Variants in ERC2 observed in about 807,000 individuals in gnomAD.
ERC2 encodes ERC protein 2.
Under a neutral mutation model 114.8 loss-of-function variants are expected in ERC2, and 42 were observed. The observed-to-expected ratio is 0.37, with a 90% CI of 0.29 to 0.47. The LOEUF (loss-of-function observed/expected upper bound fraction) is 0.47, where lower values mean the gene tolerates loss of function less well. Among genes scored for constraint, ERC2 ranks in the 20% least tolerant of loss-of-function variants. ERC2 has a pLI of 0.99. For synonymous variants in ERC2, 454 were observed against 425.5 expected (o/e 1.07, Z -0.82); for missense variants, 939 against 1,150.7 (o/e 0.82, Z 2.66).
intron 17 of ERC2, chr3:55,659,138 CAA>C (rs1297594114): frequency 1.3e-5 from 2 of 152,250 alleles, no homozygotes; most frequent in Non-Finnish European, 2.9e-5. Context: ...TCAGCATATT[CAA>C]AACAACCAAA....
At chr3:56,178,500 G>A (rs1482313035) in intron 3 of ERC2, among the ~76,000 whole-genome samples, 2 of 152,160 alleles carry the variant, frequency 1.3e-5, no homozygotes, top group Non-Finnish European at 2.9e-5. Context: ...TTTTGAAGCA[G>A]TCACAAGCCT....
At chr3:56,238,329 G>C (rs1016228980) in intron 3 of ERC2, among the ~76,000 whole-genome samples, 3 of 152,198 alleles carry the variant, frequency 2.0e-5, no homozygotes, top group African/African-American at 7.2e-5. Flanking sequence ...TAACTCTGTT[G>C]TCTCCCTTCT....
At chr3:55,645,699 C>T (rs1262282726) in intron 17 of ERC2, among the ~76,000 whole-genome samples, 4 of 152,106 alleles carry the variant, frequency 2.6e-5, no homozygotes, top group African/African-American at 7.2e-5. Flanking sequence ...GGGGGCCCAC[C>T]GTTAAAACGG....
intron 12 of ERC2, among the ~76,000 whole-genome samples, chr3:55,961,306 T>A (rs1229223008): frequency 6.6e-6 from 1 of 152,134 alleles, no homozygotes; most frequent in Non-Finnish European, 1.5e-5. Context: ...ACTGTTTACC[T>A]CACCCCCACC....
chr3:56,159,578 C>T (rs2081941855), intron 4 of ERC2, among the ~76,000 whole-genome samples: 1 of 152,112 alleles, frequency 6.6e-6, no homozygotes, highest in Non-Finnish European at 1.5e-5. Context: ...CTGCAAGATG[C>T]TGAGGTTTGG....
At chr3:55,851,828 A>C (rs2061586673) in intron 14 of ERC2, among the ~76,000 whole-genome samples, 1 of 152,044 alleles carries the variant, frequency 6.6e-6, no homozygotes, top group African/African-American at 2.4e-5. Flanking sequence ...CAGCCTAATA[A>C]GGAGAAGATA....
At chr3:56,105,550 A>T (rs1282750229) in intron 6 of ERC2, among the ~76,000 whole-genome samples, 1 of 152,084 alleles carries the variant, frequency 6.6e-6, no homozygotes, top group African/African-American at 2.4e-5. Flanking sequence ...TCCTGGCCTC[A>T]AGCAATCCTC....
intron 7 of ERC2, among the ~76,000 whole-genome samples, chr3:56,062,862 T>C (rs554904093): frequency 6.6e-6 from 1 of 152,310 alleles, no homozygotes; most frequent in African/African-American, 2.4e-5. Flanking sequence ...AAATCTTACC[T>C]TCTCAACAGA....
chr3:56,203,077 A>T (rs1489963857), intron 3 of ERC2, among the ~76,000 whole-genome samples: 1 of 152,224 alleles, frequency 6.6e-6, no homozygotes. Context: ...GTAAAAGATA[A>T]GTTGGTATTG....
chr3:55,719,945 C>T (rs543225524), intron 15 of ERC2, among the ~76,000 whole-genome samples: 40 of 122,254 alleles, frequency 3.3e-4, no homozygotes, highest in African/African-American at 8.2e-4. Flanking sequence ...TCTTTCATTC[C>T]TTTCTTTCCT....
intron 2 of ERC2, among the ~76,000 whole-genome samples, chr3:56,342,909 T>A (rs2058145810): frequency 6.6e-6 from 1 of 152,124 alleles, no homozygotes; most frequent in East Asian, 1.9e-4. Flanking sequence ...ATAAATGAGT[T>A]CTCCAGGAAA....
At chr3:56,115,493 A>C (rs2079180703) in intron 6 of ERC2, among the ~76,000 whole-genome samples, 2 of 152,178 alleles carry the variant, frequency 1.3e-5, no homozygotes, top group African/African-American at 4.8e-5. Context: ...CAGGTAACAA[A>C]GGAAGCTACC....
intron 6 of ERC2, among the ~76,000 whole-genome samples, chr3:56,099,359 T>C (rs1298720650): frequency 1.3e-5 from 2 of 152,222 alleles, no homozygotes; most frequent in African/African-American, 4.8e-5. Flanking sequence ...TTATACAGTA[T>C]CCCCTTTCAT....
intron 2 of ERC2, among the ~76,000 whole-genome samples, chr3:56,423,563 G>C (rs964259872): frequency 2.0e-4 from 30 of 152,172 alleles, no homozygotes; most frequent in African/African-American, 7.0e-4. Context: ...GACAGCTCAC[G>C]CCCAGCCATG....
intron 15 of ERC2, among the ~76,000 whole-genome samples, chr3:55,727,723 C>T (rs1419131354): frequency 1.3e-5 from 2 of 152,138 alleles, no homozygotes; most frequent in South Asian, 2.1e-4. Context: ...GACGGATTCC[C>T]TTCATAACAG....
rs1192079308 is a variant in ERC2 at position 56,286,434 on chromosome 3, AAAAAAG to A, written c.1074+9579_1074+9584del. ...CATCTCAAAAAAAAAAAAAAAAAAA[AAAAAAG>A]GCAGAAAAAAATACCGTTTCCTGAT... On this transcript the variant is annotated intron_variant, in intron 3 of 17. Transcript: ENST00000288221. 6.9e-3 allele frequency among the ~76,000 whole-genome samples: 1,045 copies of A among 150,372 alleles called. 10 individuals carry two copies. Among genetic ancestry groups the A allele is most frequent in the African/African-American group, 0.024 (995 of 40,710 alleles).
In ERC2 at chr3:55,569,950, C is replaced by T. The variant is rs530759039; in HGVS notation, c.*40-58674G>A. ...TCAGTTCACTGCAACCTCCACCTCC[C>T]GGGTTCAAGCGATTTCTCCTGCCTC... On this transcript the variant is annotated intron_variant, in intron 17 of 17. Coordinates refer to ENST00000288221, the MANE Select transcript of ERC2 (RefSeq NM_015576.3). Among the ~76,000 whole-genome samples, 8 of 151,440 alleles carry T rather than the reference C, an allele frequency of 5.3e-5. No homozygotes were observed. In the East Asian group the frequency reaches 9.7e-4, roughly 18 times the overall value.
intron 2 of ERC2, among the ~76,000 whole-genome samples, chr3:56,393,885 C>A (rs1297475475): frequency 6.6e-6 from 1 of 152,010 alleles, no homozygotes; most frequent in Non-Finnish European, 1.5e-5. Flanking sequence ...ATCTCTTGAC[C>A]CCCTGATCAC....
intron 6 of ERC2, among the ~76,000 whole-genome samples, chr3:56,090,666 CTTTT>C (rs75767701): frequency 7.2e-6 from 1 of 139,642 alleles, no homozygotes; most frequent in Non-Finnish European, 1.6e-5. Context: ...TTCATATTTT[CTTTT>C]TTTTTTTTTT....
Sources: gnomAD v4.1 joint callset for allele counts (sites outside exome capture counted in the v4.1 genomes callset) on GRCh38, gnomAD v4.1.1 for gene constraint, MANE v1.5 for transcripts, NCBI Gene and HGNC (gene_info 2026-07-23, HGNC 2026-07-21) for gene names.